The following COL23A1 variants were observed in gnomAD, a reference collection of about 807,000 sequenced individuals.
The protein encoded by COL23A1 is collagen type XXIII alpha 1 chain.
COL23A1 carries 97 observed loss-of-function variants against 99.3 expected under a neutral mutation model. That is an observed-to-expected ratio of 0.98 (90% CI 0.83 to 1.16). The LOEUF (loss-of-function observed/expected upper bound fraction) is 1.16, where lower values mean the gene tolerates loss of function less well. Among genes scored for constraint, COL23A1 ranks in the 50% most tolerant of loss-of-function variants. COL23A1 has a pLI of 0.00. For synonymous variants in COL23A1, 320 were observed against 308.2 expected, an observed-to-expected ratio of 1.04 and a Z score of -0.40; for missense variants, 762 against 757.4, an observed-to-expected ratio of 1.01 and a Z score of -0.07.
At chr5:178,273,370 G>GC (rs758612187) in intron 5 of COL23A1, among the ~76,000 whole-genome samples, 127 of 152,370 alleles carry the variant, frequency 8.3e-4, no homozygotes, top group Middle Eastern at 3.4e-3. Flanking sequence ...GTCACTGATG[G>GC]CGCAGCCTTT....
At chr5:178,542,700 G>C (rs482377) in intron 2 of COL23A1, among the ~76,000 whole-genome samples, 15,272 of 151,982 alleles carry the variant, frequency 0.1, 1,268 homozygotes, top group African/African-American at 0.23. Context: ...GGAGAGGAAG[G>C]GGGAGGGGAG....
chr5:178,357,924 GTGTGTA>G (rs1761800045), intron 2 of COL23A1, among the ~76,000 whole-genome samples: 1 of 130,650 alleles, frequency 7.7e-6, no homozygotes, highest in Non-Finnish European at 1.7e-5. Context: ...GTATGTGTAT[GTGTGTA>G]TGTGTATGTA....
chr5:178,457,671 T>C (rs1561989025), intron 2 of COL23A1, among the ~76,000 whole-genome samples: 2 of 152,320 alleles, frequency 1.3e-5, no homozygotes, highest in East Asian at 3.9e-4. Flanking sequence ...CCACTTAAAT[T>C]GCGTTTGGTA....
intron 17 of COL23A1, among the ~76,000 whole-genome samples, chr5:178,250,978 CAAAAAAA>C (rs558621690): frequency 2.8e-5 from 2 of 72,094 alleles, no homozygotes; most frequent in Non-Finnish European, 5.1e-5. Context: ...GACTCCGTCT[CAAAAAAA>C]AAAAAAAAAA....
rs144137680 is a variant in COL23A1 at position 178,281,191 on chromosome 5, T to C, written c.441+7133A>G. 3.6e-4 allele frequency among the ~76,000 whole-genome samples: 55 copies of C among 152,298 alleles called. No homozygotes were observed. The East Asian group carries it at 9.6e-3, about 27-fold the overall frequency. On this transcript the variant is annotated intron_variant, in intron 5 of 28. Transcript: ENST00000390654. This position sits in a 1 kb window ranked among gnomAD's most constrained non-coding sequence, Gnocchi z 4.0. Reference sequence around the variant, plus strand: ...TCAGACGGAAATGAGATGGAGGATGTTGAAATCTAAAAACAGATGAATTTG... The same window carrying C: ...TCAGACGGAAATGAGATGGAGGATGCTGAAATCTAAAAACAGATGAATTTG...
chr5:178,442,039 C>A (rs1350239536), intron 2 of COL23A1, among the ~76,000 whole-genome samples: 2 of 152,150 alleles, frequency 1.3e-5, no homozygotes, highest in African/African-American at 4.8e-5. Flanking sequence ...GAGTCCCCAC[C>A]CACGGGCCTG....
At chr5:178,528,401 T>G (rs1760445432) in intron 2 of COL23A1, among the ~76,000 whole-genome samples, 2 of 152,164 alleles carry the variant, frequency 1.3e-5, no homozygotes, top group African/African-American at 4.8e-5. Flanking sequence ...GTCACAGGTT[T>G]CAGTGGGACT....
intron 1 of COL23A1, among the ~76,000 whole-genome samples, chr5:178,576,526 C>A (rs919473815): frequency 7.2e-5 from 11 of 152,242 alleles, no homozygotes; most frequent in Admixed American, 5.2e-4. Context: ...AGCCACCCAC[C>A]GAGCCCGTCC....
intron 2 of COL23A1, among the ~76,000 whole-genome samples, chr5:178,441,083 G>A (rs1766839912): frequency 6.6e-6 from 1 of 152,182 alleles, no homozygotes; most frequent in Admixed American, 6.5e-5. Flanking sequence ...TATCCTTGTG[G>A]TCAGCATGGG....
chr5:178,574,226 A>T (rs529585), intron 1 of COL23A1, among the ~76,000 whole-genome samples: 42,282 of 151,972 alleles, frequency 0.28, 6,034 homozygotes, highest in African/African-American at 0.32. Context: ...GAAAGCAAGA[A>T]GGCGGTTACC....
chr5:178,465,084 C>G (rs748552526), intron 2 of COL23A1, among the ~76,000 whole-genome samples: 1 of 152,188 alleles, frequency 6.6e-6, no homozygotes, highest in Non-Finnish European at 1.5e-5. Context: ...ATCCAAAGCC[C>G]AGCCAGGTGG....
At chr5:178,581,191 G>C (rs551319637) in intron 1 of COL23A1, among the ~76,000 whole-genome samples, 2 of 152,292 alleles carry the variant, frequency 1.3e-5, no homozygotes, top group South Asian at 4.1e-4. Flanking sequence ...TATAAAACTT[G>C]AAGCACAATT....
chr5:178,524,908 C>T lies in COL23A1; in HGVS notation c.361+35774G>A, dbSNP rs149134219. Among the ~76,000 whole-genome samples, 476 of 152,330 alleles carry T rather than the reference C, an allele frequency of 3.1e-3. 5 individuals are homozygous for T. Among genetic ancestry groups the T allele is most frequent in the African/African-American group, 0.011 (456 of 41,572 alleles). Reference sequence around the variant, plus strand: ...AGCTGTCTGGGAGCCCAGCACTCTGCGGGACTCCATTTACACACGCACCAC... The same window carrying T: ...AGCTGTCTGGGAGCCCAGCACTCTGTGGGACTCCATTTACACACGCACCAC... On this transcript the variant is annotated intron_variant, in intron 2 of 28. Transcript: ENST00000390654.
intron 2 of COL23A1, among the ~76,000 whole-genome samples, chr5:178,511,625 G>A (rs1007156720): frequency 6.6e-6 from 1 of 152,160 alleles, no homozygotes; most frequent in African/African-American, 2.4e-5. Context: ...TGGAAGGAAG[G>A]CATGGGCTCA....
intron 17 of COL23A1, among the ~76,000 whole-genome samples, chr5:178,251,905 T>TTTCC (rs1230940366): frequency 2.8e-5 from 3 of 105,748 alleles, no homozygotes; most frequent in African/African-American, 6.4e-5. Context: ...TTTCATTTTC[T>TTTCC]TTTCTTTTTT....
chr5:178,321,335 A>G (rs1334878242), intron 2 of COL23A1, among the ~76,000 whole-genome samples: 1 of 151,728 alleles, frequency 6.6e-6, no homozygotes. Context: ...ACCACATCCT[A>G]TTTTCTGCCT....
intron 7 of COL23A1, among the ~76,000 whole-genome samples, chr5:178,267,722 C>T (rs1019181445): frequency 1.3e-5 from 2 of 152,198 alleles, no homozygotes; most frequent in Non-Finnish European, 2.9e-5. Flanking sequence ...CAGCAATAGA[C>T]ACCAAGACAC....
In COL23A1 at chr5:178,358,741, CTG is replaced by C. The variant is rs551784624; in HGVS notation, c.362-51824_362-51823del. The stretch of plus-strand genomic sequence containing the variant: ...TGTATGTGTATGTGTGTATGTGTAT[CTG>C]TGTGTGTATCTGTGTGTGTGTATGT... On this transcript the variant is annotated intron_variant, in intron 2 of 28. Coordinates refer to ENST00000390654, the MANE Select transcript of COL23A1 (RefSeq NM_173465.4). Among the ~76,000 whole-genome samples, 829 of 87,664 alleles carry C rather than the reference CTG, an allele frequency of 9.5e-3. 7 individuals are homozygous for C. Among genetic ancestry groups the C allele is most frequent in the African/African-American group, 0.023 (630 of 27,936 alleles). 57.5% of individuals were successfully genotyped at this position (87,664 alleles called of 152,430 possible). A position where few individuals can be genotyped will look rare whatever the true frequency, so the allele number is the denominator to read the frequency against.
In COL23A1 at chr5:178,358,683, A is replaced by ATGTG. The variant is rs1174776992; in HGVS notation, c.362-51768_362-51765dup. ...GTGTATGTGTCTAATGTGTATGTGT[A>ATGTG]TGTGTGTGTATGTATGTGTATGTGT... On this transcript the variant is annotated intron_variant, in intron 2 of 28. Transcript: ENST00000390654. Among the ~76,000 whole-genome samples, 15 of 117,466 alleles carry ATGTG rather than the reference A, an allele frequency of 1.3e-4. 1 individual carries two copies. Among genetic ancestry groups the ATGTG allele is most frequent in the South Asian group, 1.2e-3 (4 of 3,332 alleles). 77.1% of individuals were successfully genotyped at this position (117,466 alleles called of 152,430 possible).
Sources: allele counts gnomAD v4.1 joint callset (sites outside exome capture counted in the v4.1 genomes callset), GRCh38; gene constraint gnomAD v4.1.1; non-coding constraint Gnocchi (gnomAD v3.1); transcripts MANE v1.5; gene names NCBI Gene and HGNC (gene_info 2026-07-23, HGNC 2026-07-21).